The following SCN7A variants were observed in gnomAD, a reference collection of about 807,000 sequenced individuals.
SCN7A encodes sodium voltage-gated channel alpha subunit 7.
Under a neutral mutation model 155.2 loss-of-function variants are expected in SCN7A, and 138 were observed. The ratio of observed to expected loss-of-function variants is 0.89; its 90% CI spans 0.77 to 1.02. The LOEUF (loss-of-function observed/expected upper bound fraction) is 1.02. Among genes scored for constraint, SCN7A ranks in the 50% least tolerant of loss-of-function variants. The probability of loss-of-function intolerance (pLI) is 0.00; values close to 1 mark genes in which losing one functional copy is unlikely to be tolerated. For missense variants in SCN7A, 2,058 were observed against 1,986.6 expected (o/e 1.04, Z -0.68); for synonymous variants, 693 against 649.0 (o/e 1.07, Z -1.03).
chr2:166,484,054 T>C lies in SCN7A; in HGVS notation c.-15+2802A>G, dbSNP rs569152107. On this transcript the variant is annotated intron_variant, in intron 2 of 25. Coordinates refer to ENST00000643258, the MANE Select transcript of SCN7A (RefSeq NM_002976.4). ...TTTAAAAATAGAAACAAGTGTTAAC[T>C]GGGAAATAATGTGTCTCTTGATATC... 2.0e-5 allele frequency among the ~76,000 whole-genome samples: 3 copies of C among 152,108 alleles called. No individual in the cohort carries two copies. The East Asian group carries it at 5.8e-4, about 29-fold the overall frequency.
chr2:166,421,642 T>C lies in SCN7A; in HGVS notation c.3028-345A>G, dbSNP rs182343367. Among the ~76,000 whole-genome samples the C allele has an allele frequency of 2.2e-4, 34 of 152,096 alleles. No homozygotes were observed. In the East Asian group the frequency reaches 6.4e-3, roughly 29 times the overall value. ...ATTAAGAATCAGTTTCATAATTACT[T>C]GTAATACAGTAATCATATGCAGTAT... On this transcript the variant is annotated intron_variant, in intron 19 of 25. Coordinates refer to ENST00000643258, the MANE Select transcript of SCN7A (RefSeq NM_002976.4).
chr2:166,462,553 C>G (rs759531235), intron 9 of SCN7A, 23 bp from the exon 10 acceptor site: 29 of 1,609,518 alleles, frequency 1.8e-5, no homozygotes, highest in Middle Eastern at 1.7e-4. Context: ...AAGAAAAAAA[C>G]CTGCTTACTA....
At chr2:166,474,444 T>G (rs1410644789) in intron 3 of SCN7A, 100 bp from the exon 4 acceptor site, 2 of 411,218 alleles carry the variant, frequency 4.9e-6, no homozygotes, top group Admixed American at 8.8e-5. Flanking sequence ...AGTCTTGGAC[T>G]CTAAAAGCCA....
chr2:166,488,138 T>C (rs1460276835), intron 1 of SCN7A, among the ~76,000 whole-genome samples: 1 of 152,210 alleles, frequency 6.6e-6, no homozygotes, highest in African/African-American at 2.4e-5. Context: ...AATTTAGCAA[T>C]TTAGTGACCA....
intron 3 of SCN7A, among the ~76,000 whole-genome samples, chr2:166,475,566 T>A (rs1413909936): frequency 6.6e-6 from 1 of 151,770 alleles, no homozygotes; most frequent in Non-Finnish European, 1.5e-5. Context: ...CCCTCTATTT[T>A]AAATGCAAAC....
chr2:166,405,349 AAATGGCC>A lies in SCN7A; in HGVS notation c.*224_*230del. On this transcript the variant is annotated 3_prime_UTR_variant, in exon 26 of 26. Coordinates refer to ENST00000643258, the MANE Select transcript of SCN7A (RefSeq NM_002976.4). ...TAGAGAAAACAAATATGAGATTGTC[AAATGGCC>A]ACTTTAACCCACTTTAAACTCACTG... 2.2e-6 allele frequency: 1 copy of A among 451,940 alleles called. No homozygotes were observed. The highest frequency in any genetic ancestry group is 3.9e-6 in the Non-Finnish European group (1 of 258,992). The allele number at this position is 451,940 out of a possible 1,614,324, so 28.0% of individuals were successfully genotyped here. A position where few individuals can be genotyped will look rare whatever the true frequency, so the allele number is the denominator to read the frequency against.
intron 7 of SCN7A, among the ~76,000 whole-genome samples, chr2:166,469,583 G>C (rs1454606021): frequency 6.6e-6 from 1 of 151,018 alleles, no homozygotes; most frequent in Non-Finnish European, 1.5e-5. Flanking sequence ...GTCCCTACTA[G>C]CCTGCAGGCT....
intron 11 of SCN7A, among the ~76,000 whole-genome samples, chr2:166,452,544 A>G (rs1575039438): frequency 6.6e-6 from 1 of 152,148 alleles, no homozygotes; most frequent in Admixed American, 6.6e-5. Flanking sequence ...ACAATTGTCA[A>G]TCATTTTTTA....
intron 25 of SCN7A, among the ~76,000 whole-genome samples, chr2:166,408,275 C>A (rs935700015): frequency 6.6e-6 from 1 of 151,956 alleles, no homozygotes; most frequent in Non-Finnish European, 1.5e-5. Flanking sequence ...ACTCATTCTT[C>A]ATTCACATTC....
Position 166,416,878 on chromosome 2 carries a change from A to T in SCN7A, c.3243T>A (p.Ala1081=), listed in dbSNP as rs533645957. The T allele has an allele frequency of 1.2e-6, 2 of 1,613,590 alleles. No individual in the cohort carries two copies. Among genetic ancestry groups the T allele is most frequent in the Non-Finnish European group, 1.7e-6 (2 of 1,179,714 alleles). The change falls in exon 21 of 26, where the codon GCT becomes GCA. Residue 1081 remains alanine (A), a synonymous_variant. Transcript: ENST00000643258. ...GGTCAATGCATTCATAGAATCTGCC[A>T]GCAAATAAGTCTACTCCCATGATAC... ...IFSIMGVDLF[A]GRFYECIDPT...
intron 6 of SCN7A, 123 bp downstream of exon 6, chr2:166,472,192 CTT>C: frequency 1.1e-6 from 1 of 883,888 alleles, no homozygotes; most frequent in Non-Finnish European, 1.6e-6. Context: ...ATGACCATAA[CTT>C]TGAAGTATTC....
At chr2:166,421,452 T>G (rs758959900) in intron 19 of SCN7A, among the ~76,000 whole-genome samples, 155 bp from the exon 20 acceptor site, 5 of 151,950 alleles carry the variant, frequency 3.3e-5, no homozygotes, top group Non-Finnish European at 7.4e-5. Flanking sequence ...AATACATTAA[T>G]AATCACAGAA....
chr2:166,438,903 G>T (rs1374353034), intron 15 of SCN7A, among the ~76,000 whole-genome samples: 1 of 151,120 alleles, frequency 6.6e-6, no homozygotes, highest in Non-Finnish European at 1.5e-5. Context: ...GAAGTTTCTG[G>T]TTAGTAGAAA....
intron 2 of SCN7A, among the ~76,000 whole-genome samples, chr2:166,480,608 A>G (rs944181691): frequency 7.2e-5 from 11 of 152,198 alleles, no homozygotes; most frequent in Non-Finnish European, 1.5e-4. Flanking sequence ...GATAAAATAT[A>G]GTGATGCTCC....
At chr2:166,432,079 C>A (rs1040389938) in intron 16 of SCN7A, among the ~76,000 whole-genome samples, 5 of 151,958 alleles carry the variant, frequency 3.3e-5, no homozygotes, top group Non-Finnish European at 5.9e-5. Context: ...ACTATTACCT[C>A]CCCCCCTCCA....
intron 1 of SCN7A, among the ~76,000 whole-genome samples, chr2:166,492,949 C>G (rs925244103): frequency 6.6e-6 from 1 of 152,154 alleles, no homozygotes; most frequent in African/African-American, 2.4e-5. Context: ...AGTTCTAAAT[C>G]CCAAAGACTT....
chr2:166,456,930 C>G lies in SCN7A; in HGVS notation c.1230G>C (p.Lys410Asn). ...EKQRVGEISK[K>N]IEPKFQQTGK... Reference sequence around the variant, plus strand: ...CAGTCTGTTGAAATTTTGGTTCAATCTTCTTAGATATTTCACCAACTCTCT... The same window carrying G: ...CAGTCTGTTGAAATTTTGGTTCAATGTTCTTAGATATTTCACCAACTCTCT... The change falls in exon 11 of 26, where the codon AAG (lysine) becomes AAC (asparagine). Residue 410 changes from lysine to asparagine, a missense_variant. Lys to Asn is a moderately conservative substitution (Grantham distance 94). Transcript: ENST00000643258. 1 of 1,569,106 alleles carries G rather than the reference C, an allele frequency of 6.4e-7. No individual in the cohort carries two copies. The highest frequency in any genetic ancestry group is 8.6e-7 in the Non-Finnish European group (1 of 1,156,280).
intron 6 of SCN7A, among the ~76,000 whole-genome samples, chr2:166,471,755 A>G (rs951206229): frequency 8.6e-5 from 13 of 150,422 alleles, no homozygotes; most frequent in Admixed American, 8.1e-4. Context: ...AAGATATGTT[A>G]TTCTGATCTC....
At chr2:166,481,586 A>G (rs1267050840) in intron 2 of SCN7A, among the ~76,000 whole-genome samples, 2 of 152,178 alleles carry the variant, frequency 1.3e-5, no homozygotes, top group African/African-American at 4.8e-5. Context: ...GTCTGCCAAG[A>G]ACACTAATAT....
Sources: gnomAD v4.1 joint callset for allele counts (sites outside exome capture counted in the v4.1 genomes callset) on GRCh38, gnomAD v4.1.1 for gene constraint, MANE v1.5 for transcripts, NCBI Gene and HGNC (gene_info 2026-07-23, HGNC 2026-07-21) for gene names.